The following RBFOX1 variants were observed in gnomAD, a reference collection of about 807,000 sequenced individuals.
RBFOX1 encodes the protein RNA binding fox-1 homolog 1.
A neutral mutation model predicts 57.7 loss-of-function variants in RBFOX1; 8 were observed. The ratio of observed to expected loss-of-function variants is 0.14; its 90% CI spans 0.08 to 0.25. The LOEUF is 0.25. RBFOX1 is among the 10% of genes least tolerant of loss of function. RBFOX1 has a pLI of 1.00. For synonymous variants in RBFOX1, 326 were observed against 222.4 expected, an observed-to-expected ratio of 1.47 and a Z score of -4.15; for missense variants, 611 against 548.5, an observed-to-expected ratio of 1.11 and a Z score of -1.14.
intron 3 of RBFOX1, among the ~76,000 whole-genome samples, chr16:6,771,865 G>C (rs924703889): frequency 6.6e-6 from 1 of 152,156 alleles, no homozygotes; most frequent in Non-Finnish European, 1.5e-5. Flanking sequence ...CTGTCAGGCT[G>C]TGTCTTTTCC....
At chr16:5,725,872 G>T (rs1244427337) in intron 3 of RBFOX1, among the ~76,000 whole-genome samples, 2 of 151,872 alleles carry the variant, frequency 1.3e-5, no homozygotes, top group African/African-American at 2.4e-5. Flanking sequence ...GAGGCTGCTG[G>T]GTTCAGCAGG....
At chr16:7,153,510 G>C (rs1009660517) in intron 4 of RBFOX1, among the ~76,000 whole-genome samples, 1 of 151,876 alleles carries the variant, frequency 6.6e-6, no homozygotes, top group African/African-American at 2.4e-5. Flanking sequence ...GCTGCGGCAA[G>C]TGAATCACAA....
At chr16:6,528,728 A>G (rs1046100616) in intron 2 of RBFOX1, among the ~76,000 whole-genome samples, 6 of 152,106 alleles carry the variant, frequency 3.9e-5, no homozygotes, top group African/African-American at 9.7e-5. Flanking sequence ...GGGACCAGAT[A>G]CTTCTTGGTT....
At chr16:7,189,128 A>G (rs1441597080) in intron 4 of RBFOX1, among the ~76,000 whole-genome samples, 2 of 151,996 alleles carry the variant, frequency 1.3e-5, no homozygotes, top group Non-Finnish European at 2.9e-5. Context: ...AGTGATTTCT[A>G]GAAAGGAATC....
intron 3 of RBFOX1, among the ~76,000 whole-genome samples, chr16:7,051,264 G>C (rs926081685): frequency 6.6e-6 from 1 of 152,118 alleles, no homozygotes; most frequent in Non-Finnish European, 1.5e-5. Context: ...CCTTCTATGT[G>C]TTCCTTTTTA....
intron 3 of RBFOX1, chr16:5,838,201 C>G (rs2056520793): frequency 5.5e-6 from 1 of 180,406 alleles, no homozygotes; most frequent in Admixed American, 6.1e-5. Flanking sequence ...GCTCACATTA[C>G]CACACATTAC....
chr16:6,934,574 C>A (rs900779481), intron 3 of RBFOX1, among the ~76,000 whole-genome samples: 1 of 152,102 alleles, frequency 6.6e-6, no homozygotes, highest in African/African-American at 2.4e-5. Flanking sequence ...AAAAAGATAA[C>A]AAAGTCATGT....
chr16:5,729,396 CTTTTTTTTT>C (rs71142649), intron 3 of RBFOX1, among the ~76,000 whole-genome samples: 20 of 111,462 alleles, frequency 1.8e-4, no homozygotes, highest in South Asian at 6.1e-4. Flanking sequence ...TTTTTCTTTT[CTTTTTTTTT>C]TTTTTTTTTT....
chr16:6,876,880 G>A (rs1376314697), intron 3 of RBFOX1, among the ~76,000 whole-genome samples: 1 of 152,124 alleles, frequency 6.6e-6, no homozygotes, highest in Non-Finnish European at 1.5e-5. Flanking sequence ...TAGTGTAAAT[G>A]CAAAAGTGCT....
In RBFOX1 at chr16:7,197,457, A is replaced by C. The variant is rs1342525281; in HGVS notation, c.27+145359A>C. On this transcript the variant is annotated intron_variant, in intron 4 of 15. Transcript: ENST00000550418. ...TGTGAGTGGAAAAAAAAAAAAAAAA[A>C]AAAAACATCAAGCTGTGATACTGCA... 9.9e-5 allele frequency among the ~76,000 whole-genome samples: 15 copies of C among 151,888 alleles called. No homozygotes were observed. In the East Asian group the frequency reaches 2.7e-3, roughly 27 times the overall value.
At chr16:7,262,667 C>T (rs560055182) in intron 4 of RBFOX1, among the ~76,000 whole-genome samples, 3 of 152,242 alleles carry the variant, frequency 2.0e-5, no homozygotes, top group Admixed American at 6.5e-5. Context: ...TGCAATCTAT[C>T]AAGGAGGGCG....
At chr16:6,131,852 G>A (rs2096631995) in intron 1 of RBFOX1, among the ~76,000 whole-genome samples, 1 of 152,150 alleles carries the variant, frequency 6.6e-6, no homozygotes, top group Non-Finnish European at 1.5e-5. Flanking sequence ...CCACTCTCTG[G>A]CTCTCTGTAG....
chr16:6,927,414 CAAAAAAAA>C (rs1194663760), intron 3 of RBFOX1, among the ~76,000 whole-genome samples: 6 of 53,154 alleles, frequency 1.1e-4, no homozygotes, highest in South Asian at 1.1e-3. Flanking sequence ...CGCTTTCTCA[CAAAAAAAA>C]AAAAAAAAAA....
chr16:7,578,161 T>C (rs1034971), intron 5 of RBFOX1, among the ~76,000 whole-genome samples: 1 of 152,084 alleles, frequency 6.6e-6, no homozygotes, highest in East Asian at 1.9e-4. Context: ...TCACTTTCCA[T>C]TTATTGAATA....
At chr16:5,602,262 A>C (rs1430699407), downstream of RBFOX1, among the ~76,000 whole-genome samples, 1 of 152,214 alleles carries the variant, frequency 6.6e-6, no homozygotes, top group East Asian at 1.9e-4. Context: ...TCAAAATGTA[A>C]AATGTGTTCC....
chr16:5,792,421 C>T (rs937284176), intron 3 of RBFOX1, among the ~76,000 whole-genome samples: 16 of 152,248 alleles, frequency 1.1e-4, no homozygotes, highest in Admixed American at 5.2e-4. Context: ...AACTTACCTA[C>T]TAATAGCCTA....
intron 1 of RBFOX1, among the ~76,000 whole-genome samples, chr16:6,153,758 A>T (rs2096818448): frequency 6.6e-6 from 1 of 151,570 alleles, no homozygotes; most frequent in Non-Finnish European, 1.5e-5. Flanking sequence ...CTGGTCTCAA[A>T]CTCCTGACCT....
chr16:6,224,592 C>G, intron 1 of RBFOX1, among the ~76,000 whole-genome samples: 1 of 152,142 alleles, frequency 6.6e-6, no homozygotes, highest in East Asian at 1.9e-4. Context: ...AAAAAGTGAA[C>G]TGATTCACCT....
At chr16:5,352,188 C>A (rs996437989) in intron 1 of RBFOX1, among the ~76,000 whole-genome samples, 12 of 152,162 alleles carry the variant, frequency 7.9e-5, no homozygotes, top group African/African-American at 2.9e-4. Context: ...GATGCTGCTT[C>A]CCTCTCATGT....
Sources: allele counts gnomAD v4.1 joint callset (sites outside exome capture counted in the v4.1 genomes callset), GRCh38; gene constraint gnomAD v4.1.1; transcripts MANE v1.5; gene names NCBI Gene and HGNC (gene_info 2026-07-23, HGNC 2026-07-21).